HEATR4: variants seen among roughly 807,000 people sequenced by gnomAD.
HEATR4 encodes the protein HEAT repeat-containing protein 4.
A neutral mutation model predicts 108.8 loss-of-function variants in HEATR4; 95 were observed. The ratio of observed to expected loss-of-function variants is 0.87; its 90% CI spans 0.74 to 1.04. The LOEUF is 1.04. Among genes scored for constraint, HEATR4 ranks in the 50% least tolerant of loss-of-function variants. The probability of loss-of-function intolerance (pLI) is 0.00; values close to 1 mark genes in which losing one functional copy is unlikely to be tolerated. For synonymous variants in HEATR4, 443 were observed against 459.4 expected, an observed-to-expected ratio of 0.96 and a Z score of 0.46; for missense variants, 1,152 against 1,253.8, an observed-to-expected ratio of 0.92 and a Z score of 1.23.
At chr14:73,493,481 A>T (rs1885920526) in intron 16 of HEATR4, 3 of 232,564 alleles carry the variant, frequency 1.3e-5, no homozygotes, top group Admixed American at 5.3e-5. Flanking sequence ...ATAATGGCTG[A>T]AGTGAAAAGC....
intron 12 of HEATR4, 143 bp downstream of exon 12, chr14:73,500,407 G>C: frequency 1.3e-6 from 1 of 776,864 alleles, no homozygotes; most frequent in Non-Finnish European, 2.0e-6. Flanking sequence ...AGTCCTGTTT[G>C]AAGTGGCTTA....
chr14:73,509,942 C>T (rs2140277960), intron 7 of HEATR4, among the ~76,000 whole-genome samples: 1 of 147,450 alleles, frequency 6.8e-6, no homozygotes, highest in Non-Finnish European at 1.5e-5. Context: ...GGTGTGATCT[C>T]AGCTCACTGC....
chr14:73,506,519 T>C lies in HEATR4; in HGVS notation c.1934A>G (p.Asn645Ser). 1 of 1,613,898 alleles carries C rather than the reference T, an allele frequency of 6.2e-7. No homozygotes were observed. The highest frequency in any genetic ancestry group is 1.3e-5 in the African/African-American group (1 of 75,074). Residue 645 changes from asparagine (N) to serine (S), a missense_variant, in exon 10 of 18, where the codon AAC (asparagine) becomes AGC (serine). Asn to Ser is a conservative substitution (Grantham distance 46). Coordinates refer to ENST00000553558, the MANE Select transcript of HEATR4 (RefSeq NM_001220484.1). ...GAAAGCCTGGCAGGCCACAATCCGG[T>C]TCTTCCATTGACAGCTGTTCAGCTC... ...AVELNSCQWK[N>S]RIVACQAFSR...
the HEATR4 span, chr14:73,595,923 T>C: frequency 6.7e-6 from 2 of 298,212 alleles, no homozygotes; most frequent in East Asian, 5.7e-5. Flanking sequence ...TTTTAGTTAA[T>C]GTTTTGAGTC....
chr14:73,569,971 C>T, the HEATR4 span: 47 of 1,395,386 alleles, frequency 3.4e-5, 1 homozygote, highest in South Asian at 5.2e-4. Context: ...TATGTGTATG[C>T]CCCCCCGCCG....
the HEATR4 span, among the ~76,000 whole-genome samples, chr14:73,600,377 C>T: frequency 6.6e-6 from 1 of 151,966 alleles, no homozygotes. Context: ...GTTCAAAGTT[C>T]TCTTTTAATT....
At chr14:73,524,828 ATCCTGCTAGTGTCAAC>A (rs1888230242) in intron 2 of HEATR4, among the ~76,000 whole-genome samples, 1 of 151,956 alleles carries the variant, frequency 6.6e-6, no homozygotes, top group Non-Finnish European at 1.5e-5. Context: ...ATATGTTTCT[ATCCTGCTAGTGTCAAC>A]TCCTGCCCGG....
the HEATR4 span, chr14:73,569,472 G>C: frequency 2.5e-6 from 4 of 1,613,156 alleles, no homozygotes; most frequent in African/African-American, 5.3e-5. Flanking sequence ...CTGCTGCTGG[G>C]ACGAACCGGT....
chr14:73,561,567 G>A (rs1317380791), upstream of HEATR4, among the ~76,000 whole-genome samples: 9 of 151,774 alleles, frequency 5.9e-5, no homozygotes, highest in Non-Finnish European at 1.2e-4. Context: ...CACACCTGTA[G>A]TCCCAGCTAC....
At chr14:73,560,479 G>A (rs948241789), upstream of HEATR4, among the ~76,000 whole-genome samples, 12 of 151,770 alleles carry the variant, frequency 7.9e-5, no homozygotes, top group African/African-American at 2.2e-4. Context: ...TGGGTAACAC[G>A]GTGAAACCCC....
At chr14:73,517,152 C>T (rs971799132) in intron 5 of HEATR4, 18 of 152,072 alleles carry the variant, frequency 1.2e-4, no homozygotes, top group African/African-American at 4.4e-4. Context: ...AGGGTGCACA[C>T]CTGTGGCCCT....
At chr14:73,608,982 G>A in the HEATR4 span, among the ~76,000 whole-genome samples, 1 of 152,148 alleles carries the variant, frequency 6.6e-6, no homozygotes, top group Non-Finnish European at 1.5e-5. Context: ...AACAGCATGA[G>A]ACTAACCACC....
rs1287890367 is a variant in HEATR4 at position 73,532,696 on chromosome 14, C to T, written c.-151-2452G>A. ...TAGGCCGGGTGCAGTGGCTCACGCT[C>T]ATAATCCTAGCACTTTGGGAGGCCA... On this transcript the variant is annotated intron_variant, in intron 1 of 17. Coordinates refer to ENST00000553558, the MANE Select transcript of HEATR4 (RefSeq NM_001220484.1). 1.7e-5 allele frequency among the ~76,000 whole-genome samples: 2 copies of T among 115,144 alleles called. 1 individual carries two copies. The highest frequency in any genetic ancestry group is 3.8e-5 in the Non-Finnish European group (2 of 52,776). The allele number at this position is 115,144 out of a possible 152,430, so 75.5% of individuals were successfully genotyped here.
intron 10 of HEATR4, among the ~76,000 whole-genome samples, chr14:73,506,035 C>T (rs1477785866): frequency 5.3e-5 from 8 of 151,546 alleles, no homozygotes; most frequent in Non-Finnish European, 8.8e-5. Flanking sequence ...GGATTATAGG[C>T]GCGTGCCACC....
rs80266286 is a variant in HEATR4, at chr14:73,519,090, G to A, written c.1143C>T (p.Asn381=). 6.2e-7 allele frequency: 1 copy of A among 1,613,996 alleles called. No individual in the cohort carries two copies. Among genetic ancestry groups the A allele is most frequent in the Non-Finnish European group, 8.5e-7 (1 of 1,179,932 alleles). Residue 381 remains asparagine (N), a synonymous_variant, in exon 5 of 18, where the codon AAC becomes AAT. Transcript: ENST00000553558. ...CAGGGAAGACCTTAGATAGCTGCTT[G>A]TTGTACCGATTTAGGTTTTCCAGGA... ...QIVLENLNRY[N]KQLSKVFPET... is the part of the protein sequence containing the mutation.
At chr14:73,632,404 T>C in the HEATR4 span, among the ~76,000 whole-genome samples, 1 of 152,214 alleles carries the variant, frequency 6.6e-6, no homozygotes, top group Non-Finnish European at 1.5e-5. Flanking sequence ...GTAGTTACTA[T>C]TACCAGTTTG....
chr14:73,511,160 G>A (rs1887226986), intron 7 of HEATR4, among the ~76,000 whole-genome samples: 1 of 152,126 alleles, frequency 6.6e-6, no homozygotes, highest in Non-Finnish European at 1.5e-5. Context: ...TAGGTAATTT[G>A]AAGCTCAGAG....
the HEATR4 span, among the ~76,000 whole-genome samples, chr14:73,572,074 C>T: frequency 2.7e-5 from 4 of 149,606 alleles, no homozygotes; most frequent in South Asian, 8.6e-4. Flanking sequence ...GAAGGAGCAA[C>T]ATATTCATCT....
the HEATR4 span, chr14:73,592,383 G>A: frequency 6.4e-7 from 1 of 1,555,680 alleles, no homozygotes; most frequent in Non-Finnish European, 8.7e-7. Context: ...GGTGCGAGCG[G>A]GCCGGGTGCG....
Sources: allele counts gnomAD v4.1 joint callset (sites outside exome capture counted in the v4.1 genomes callset), GRCh38; gene constraint gnomAD v4.1.1; transcripts MANE v1.5; gene names NCBI Gene and HGNC (gene_info 2026-07-23, HGNC 2026-07-21).